The following NAT1 variants were observed in gnomAD, a reference collection of about 807,000 sequenced individuals.
NAT1 encodes the protein arylamine N-acetyltransferase 1.
For synonymous variants in NAT1, 144 were observed against 122.6 expected (o/e 1.17, Z -1.16); for missense variants, 400 against 339.2 (o/e 1.18, Z -1.41).
At chr8:18,183,604 T>A (rs974202100) in intron 2 of NAT1, among the ~76,000 whole-genome samples, 1 of 152,152 alleles carries the variant, frequency 6.6e-6, no homozygotes, top group African/African-American at 2.4e-5. Context: ...GGTTCATCAT[T>A]TTCTGTGTTC....
chr8:18,191,567 C>G (rs1477645688), intron 2 of NAT1, among the ~76,000 whole-genome samples: 1 of 151,952 alleles, frequency 6.6e-6, no homozygotes, highest in Non-Finnish European at 1.5e-5. Flanking sequence ...AAGCTGGAGG[C>G]ATCACGCTAC....
chr8:18,202,622 C>T (rs147306035), intron 2 of NAT1, among the ~76,000 whole-genome samples: 147 of 151,970 alleles, frequency 9.7e-4, no homozygotes, highest in African/African-American at 3.4e-3. Flanking sequence ...TGTAGACCTT[C>T]GCAGTGAGCG....
intron 2 of NAT1, among the ~76,000 whole-genome samples, chr8:18,199,736 C>A (rs1040445214): frequency 1.3e-5 from 2 of 152,116 alleles, no homozygotes; most frequent in Admixed American, 1.3e-4. Context: ...GGAAGTAGCT[C>A]ATAGCATTTA....
chr8:18,213,017 G>A (rs1476143477), intron 1 of NAT1, among the ~76,000 whole-genome samples: 1 of 149,266 alleles, frequency 6.7e-6, no homozygotes, highest in Non-Finnish European at 1.5e-5. Flanking sequence ...TGATTCTCCT[G>A]CATTAGCCTC....
chr8:18,184,437 G>C (rs1802650580), intron 2 of NAT1, among the ~76,000 whole-genome samples: 1 of 152,152 alleles, frequency 6.6e-6, no homozygotes, highest in Non-Finnish European at 1.5e-5. Context: ...CAGCCTTGAA[G>C]ACCTCCAAAA....
chr8:18,196,630 A>G (rs1803246251), intron 2 of NAT1, among the ~76,000 whole-genome samples: 1 of 152,228 alleles, frequency 6.6e-6, no homozygotes, highest in South Asian at 2.1e-4. Flanking sequence ...AGAAAGTCAT[A>G]AATTCTTGAA....
intron 2 of NAT1, among the ~76,000 whole-genome samples, chr8:18,195,179 A>G (rs1803182071): frequency 6.6e-6 from 1 of 152,208 alleles, no homozygotes; most frequent in African/African-American, 2.4e-5. Flanking sequence ...GCTTCAAATC[A>G]TGCTTCGCCA....
At chr8:18,206,844 T>A (rs555805359), upstream of NAT1, among the ~76,000 whole-genome samples, 7 of 152,328 alleles carry the variant, frequency 4.6e-5, no homozygotes, top group East Asian at 1.4e-3. Flanking sequence ...AGTATGGCCA[T>A]TTTCATGATA....
At chr8:18,219,629 C>G (rs544153920) in intron 2 of NAT1, 140 bp downstream of exon 2, 1 of 557,958 alleles carries the variant, frequency 1.8e-6, no homozygotes, top group Non-Finnish European at 3.2e-6. Context: ...ATATATAAAG[C>G]TAATAATGTT....
At chr8:18,205,054 AG>A (rs1233615323) in intron 2 of NAT1, among the ~76,000 whole-genome samples, 1 of 152,090 alleles carries the variant, frequency 6.6e-6, no homozygotes, top group Admixed American at 6.5e-5. Flanking sequence ...CACTGTGTTG[AG>A]GGGGGTCGAG....
intron 1 of NAT1, among the ~76,000 whole-genome samples, chr8:18,216,213 T>C (rs1031749508): frequency 8.5e-5 from 13 of 152,224 alleles, no homozygotes; most frequent in African/African-American, 3.1e-4. Context: ...TGTCTAATTT[T>C]GAGTGACCTG....
intron 2 of NAT1, among the ~76,000 whole-genome samples, chr8:18,188,082 A>C (rs551966089): frequency 6.6e-6 from 1 of 152,090 alleles, no homozygotes; most frequent in Non-Finnish European, 1.5e-5. Context: ...CATAATACAG[A>C]CTAGATCTAG....
chr8:18,188,738 C>T lies in NAT1; in HGVS notation n.92+17999C>T, dbSNP rs2027926. 3.2e-3 allele frequency among the ~76,000 whole-genome samples: 491 copies of T among 151,454 alleles called. 3 individuals are homozygous for T. The highest frequency in any genetic ancestry group is 0.011 in the African/African-American group (461 of 41,312). ...TCAGGCCGGGCGTGGTGGCTCATAC[C>T]TGTAATCTCAGCACCTGGGAGGCTG... On this transcript the variant is annotated intron_variant and non_coding_transcript_variant, in intron 2 of 4. Transcript: ENST00000517441.
chr8:18,183,178 G>C (rs1476774019), intron 2 of NAT1, among the ~76,000 whole-genome samples: 1 of 152,138 alleles, frequency 6.6e-6, no homozygotes, highest in Non-Finnish European at 1.5e-5. Context: ...AGGACCAAGA[G>C]AGAGCCCACT....
chr8:18,215,989 G>A (rs566844545), intron 1 of NAT1, among the ~76,000 whole-genome samples: 13 of 152,254 alleles, frequency 8.5e-5, no homozygotes, highest in Admixed American at 2.6e-4. Context: ...ATGGGATATC[G>A]AGAAGCACCG....
chr8:18,204,694 T>C (rs57246127), intron 2 of NAT1, among the ~76,000 whole-genome samples: 8,289 of 152,258 alleles, frequency 0.054, 661 homozygotes, highest in African/African-American at 0.18. Context: ...CACTGGAAAT[T>C]AGTATTTCTA....
At position 18,185,918 on chromosome 8, in the gene NAT1, TAA is replaced by T. The variant is rs538292241; in HGVS notation, n.92+15180_92+15181del. Reference sequence around the variant, plus strand: ...TCTTCTTTGATCCTTGGCTTAGTTATAAGTGTCCTCCTAAATTTACAAATATT... The same window carrying T: ...TCTTCTTTGATCCTTGGCTTAGTTATGTGTCCTCCTAAATTTACAAATATT... On this transcript the variant is annotated intron_variant and non_coding_transcript_variant, in intron 2 of 4. Coordinates refer to the NAT1 transcript ENST00000517441. Among the ~76,000 whole-genome samples the T allele has an allele frequency of 1.6e-3, 246 of 152,320 alleles. 1 individual carries two copies. Among genetic ancestry groups the T allele is most frequent in the African/African-American group, 5.8e-3 (240 of 41,582 alleles).
upstream of NAT1, among the ~76,000 whole-genome samples, chr8:18,207,173 G>C (rs1178607327): frequency 6.6e-6 from 1 of 152,130 alleles, no homozygotes; most frequent in Non-Finnish European, 1.5e-5. Flanking sequence ...TTGAAGATTA[G>C]ATGATTGTAG....
chr8:18,198,755 G>A (rs911148809), intron 2 of NAT1, among the ~76,000 whole-genome samples: 5 of 152,022 alleles, frequency 3.3e-5, no homozygotes, highest in Non-Finnish European at 7.3e-5. Flanking sequence ...ACCTCACATG[G>A]TGACCATTTC....
Sources: allele counts gnomAD v4.1 joint callset (sites outside exome capture counted in the v4.1 genomes callset), GRCh38; gene constraint gnomAD v4.1.1; transcripts MANE v1.5; gene names NCBI Gene and HGNC (gene_info 2026-07-23, HGNC 2026-07-21).